The following LRFN2 variants were observed in gnomAD, a reference collection of about 807,000 sequenced individuals.
LRFN2 encodes leucine-rich repeat and fibronectin type-III domain-containing protein 2.
LRFN2 carries 18 observed loss-of-function variants against 37.3 expected under a neutral mutation model. The observed-to-expected ratio is 0.48, with a 90% CI of 0.33 to 0.72. The LOEUF (loss-of-function observed/expected upper bound fraction) is 0.72, where lower values mean the gene tolerates loss of function less well. Among genes scored for constraint, LRFN2 ranks in the 30% least tolerant of loss-of-function variants. The pLI is 0.02. For synonymous variants in LRFN2, 556 were observed against 466.6 expected, an observed-to-expected ratio of 1.19 and a Z score of -2.47; for missense variants, 1,006 against 1,060.7, an observed-to-expected ratio of 0.95 and a Z score of 0.72.
At chr6:40,408,490 C>T (rs1467899915) in intron 2 of LRFN2, among the ~76,000 whole-genome samples, 1 of 152,060 alleles carries the variant, frequency 6.6e-6, no homozygotes, top group Non-Finnish European at 1.5e-5. Flanking sequence ...TACATGTGCC[C>T]CAATGGATGA....
chr6:40,507,646 C>G (rs972781067), intron 1 of LRFN2, among the ~76,000 whole-genome samples: 1 of 152,256 alleles, frequency 6.6e-6, no homozygotes, highest in African/African-American at 2.4e-5. Context: ...AAGAATGATG[C>G]CCTCACCTGT....
intron 2 of LRFN2, among the ~76,000 whole-genome samples, chr6:40,431,061 T>G (rs1370309977): frequency 6.6e-6 from 1 of 152,098 alleles, no homozygotes; most frequent in Non-Finnish European, 1.5e-5. Context: ...TCCTGACTTG[T>G]TAATGACATG....
intron 1 of LRFN2, among the ~76,000 whole-genome samples, chr6:40,492,598 C>A (rs1765118452): frequency 1.3e-5 from 2 of 152,198 alleles, no homozygotes. Flanking sequence ...TTGATACAAC[C>A]AGCCTGGGGT....
At chr6:40,409,346 C>T (rs1762911937) in intron 2 of LRFN2, among the ~76,000 whole-genome samples, 1 of 152,182 alleles carries the variant, frequency 6.6e-6, no homozygotes, top group Admixed American at 6.5e-5. Flanking sequence ...GAGTCACTTC[C>T]CATGTTTGAG....
At chr6:40,490,761 G>C (rs1765073190) in intron 1 of LRFN2, among the ~76,000 whole-genome samples, 1 of 152,206 alleles carries the variant, frequency 6.6e-6, no homozygotes, top group Non-Finnish European at 1.5e-5. Context: ...ACTTGCTCCT[G>C]GGCTCAGAGA....
intron 1 of LRFN2, among the ~76,000 whole-genome samples, chr6:40,446,972 C>T (rs528500833): frequency 2.1e-5 from 3 of 145,664 alleles, no homozygotes; most frequent in Admixed American, 1.4e-4. Flanking sequence ...TCCCTGAGGA[C>T]GAGGCTGCAT....
chr6:40,435,131 A>C (rs1763631070), intron 1 of LRFN2, among the ~76,000 whole-genome samples: 1 of 124,534 alleles, frequency 8.0e-6, no homozygotes, highest in Admixed American at 9.2e-5. Context: ...TATATATATT[A>C]TGTATTTTAT....
intron 2 of LRFN2, among the ~76,000 whole-genome samples, chr6:40,396,957 G>A (rs565627257): frequency 7.2e-5 from 11 of 152,216 alleles, no homozygotes; most frequent in African/African-American, 1.2e-4. Context: ...AAGTTATTCC[G>A]GTTTAGAGAA....
At chr6:40,480,433 A>T (rs1764801460) in intron 1 of LRFN2, among the ~76,000 whole-genome samples, 2 of 152,196 alleles carry the variant, frequency 1.3e-5, no homozygotes, top group African/African-American at 4.8e-5. Flanking sequence ...CATGTGCCAG[A>T]ACACCGGTTA....
At chr6:40,565,728 A>C (rs1444997761) in intron 1 of LRFN2, among the ~76,000 whole-genome samples, 1 of 151,494 alleles carries the variant, frequency 6.6e-6, no homozygotes, top group African/African-American at 2.4e-5. Context: ...TTATACAAAA[A>C]TTAATTCAAC....
intron 1 of LRFN2, among the ~76,000 whole-genome samples, chr6:40,583,700 C>G (rs1268839686): frequency 1.3e-5 from 2 of 152,168 alleles, no homozygotes; most frequent in Non-Finnish European, 2.9e-5. Context: ...AACCAGGCCC[C>G]TCTCTCAAAT....
At chr6:40,485,258 C>T (rs188001493) in intron 1 of LRFN2, among the ~76,000 whole-genome samples, 1 of 152,278 alleles carries the variant, frequency 6.6e-6, no homozygotes, top group African/African-American at 2.4e-5. Flanking sequence ...CTATGAACTT[C>T]CCCCTTCTCC....
intron 1 of LRFN2, among the ~76,000 whole-genome samples, chr6:40,571,957 G>T (rs1767196347): frequency 6.6e-6 from 1 of 152,224 alleles, no homozygotes; most frequent in Non-Finnish European, 1.5e-5. Context: ...TTCTGAAGCT[G>T]CCCAGAGCAC....
intron 1 of LRFN2, among the ~76,000 whole-genome samples, chr6:40,499,724 C>G (rs921920598): frequency 1.3e-5 from 2 of 152,082 alleles, no homozygotes; most frequent in African/African-American, 4.8e-5. Context: ...ACCCACTCCC[C>G]CTTAGAGTGT....
At chr6:40,453,121 TAG>T (rs1464539934) in intron 1 of LRFN2, among the ~76,000 whole-genome samples, 2 of 152,270 alleles carry the variant, frequency 1.3e-5, no homozygotes, top group East Asian at 3.9e-4. Context: ...CTATTGCAGG[TAG>T]AGACTCCAGC....
At chr6:40,550,029 G>A (rs560554991) in intron 1 of LRFN2, among the ~76,000 whole-genome samples, 15 of 151,992 alleles carry the variant, frequency 9.9e-5, no homozygotes, top group Non-Finnish European at 1.3e-4. Flanking sequence ...GAAAGACTCC[G>A]TCTCAAAATA....
chr6:40,504,640 A>G (rs1765481326), intron 1 of LRFN2, among the ~76,000 whole-genome samples: 1 of 152,222 alleles, frequency 6.6e-6, no homozygotes, highest in Admixed American at 6.5e-5. Context: ...ACAGAAATGT[A>G]TATGGAAAGA....
chr6:40,517,372 G>A (rs2255743), intron 1 of LRFN2: 87,502 of 152,028 alleles, frequency 0.58, 25,560 homozygotes, highest in Middle Eastern at 0.68. Context: ...AGACACAGAA[G>A]GCACAAGATG....
At chr6:40,580,115 A>G (rs1005249735) in intron 1 of LRFN2, among the ~76,000 whole-genome samples, 5 of 152,238 alleles carry the variant, frequency 3.3e-5, no homozygotes, top group African/African-American at 1.2e-4. Flanking sequence ...TGATCCCATC[A>G]TGAGAAATGG....
Sources: gnomAD v4.1 joint callset for allele counts (sites outside exome capture counted in the v4.1 genomes callset) on GRCh38, gnomAD v4.1.1 for gene constraint, MANE v1.5 for transcripts, NCBI Gene and HGNC (gene_info 2026-07-23, HGNC 2026-07-21) for gene names.